The following SCN8A variants were observed in gnomAD, a reference collection of about 807,000 sequenced individuals.
SCN8A encodes the protein sodium channel protein type 8 subunit alpha.
In SCN8A, 30 loss-of-function variants were observed where a neutral mutation model predicts 184.1. That is an observed-to-expected ratio of 0.16 (90% CI 0.12 to 0.22). SCN8A has a LOEUF of 0.22. Ranked by LOEUF, SCN8A falls within the 10% of genes least tolerant of loss-of-function variation. The probability of loss-of-function intolerance (pLI) is 1.00; values close to 1 mark genes in which losing one functional copy is unlikely to be tolerated. For synonymous variants in SCN8A, 852 were observed against 907.0 expected (o/e 0.94, Z 1.09); for missense variants, 1,057 against 2,498.9 (o/e 0.42, Z 12.30).
intron 2 of SCN8A, among the ~76,000 whole-genome samples, chr12:51,672,582 G>A (rs765090997): frequency 6.6e-6 from 1 of 152,022 alleles, no homozygotes; most frequent in Non-Finnish European, 1.5e-5. Flanking sequence ...GCCTCAGTTC[G>A]AGGACTCCTG....
At position 51,766,910 on chromosome 12, in the gene SCN8A, G is replaced by T. The variant is rs969219779; in HGVS notation, c.2901+883G>T. On this transcript the variant is annotated intron_variant, in intron 16 of 26. Coordinates refer to ENST00000627620, the MANE Select transcript of SCN8A (RefSeq NM_001330260.2). ...ACAGATCAGGCCCCTAATCCCACCT[G>T]CAAGTGTAGGGCAAAGAGGACTGGA... Among the ~76,000 whole-genome samples the T allele has an allele frequency of 2.0e-5, 3 of 152,284 alleles. No individual in the cohort carries two copies. The East Asian group carries it at 5.8e-4, about 29-fold the overall frequency.
chr12:51,684,444 C>T, intron 3 of SCN8A, 152 bp downstream of exon 3: 1 of 649,248 alleles, frequency 1.5e-6, no homozygotes. Flanking sequence ...TGAACTCCTG[C>T]CACATCCCAA....
At chr12:51,605,379 G>C (rs1939566572) in intron 1 of SCN8A, among the ~76,000 whole-genome samples, 1 of 152,162 alleles carries the variant, frequency 6.6e-6, no homozygotes, top group South Asian at 2.1e-4. Context: ...ACTTCACTTA[G>C]AATAATAGTC....
At position 51,699,737 on chromosome 12, in the gene SCN8A, T is replaced by G; in HGVS notation, c.874T>G (p.Tyr292Asp). 1.2e-6 allele frequency: 2 copies of G among 1,613,946 alleles called. No homozygotes were observed. Among genetic ancestry groups the G allele is most frequent in the Non-Finnish European group, 1.7e-6 (2 of 1,179,868 alleles). The change falls in exon 7 of 27, where the codon TAT becomes GAT. Residue 292 changes from tyrosine (Y) to aspartate (D), a missense_variant. By Grantham distance (160) the Tyr-to-Asp change is radical. Transcript: ENST00000627620. ...GTGGCCCATAAACTTCAACGAGAGC[T>G]ATCTTGAAAATGGCACCAAAGGCTT... is the stretch of plus-strand genomic sequence containing the variant. ...VVWPINFNES[Y>D]LENGTKGFDW...
chr12:51,690,451 C>G (rs1387447630), intron 6 of SCN8A, among the ~76,000 whole-genome samples: 1 of 152,146 alleles, frequency 6.6e-6, no homozygotes, highest in African/African-American at 2.4e-5. Flanking sequence ...TTCCAGGGCC[C>G]AAGTGATCCT....
At chr12:51,605,757 C>T (rs1223046070) in intron 1 of SCN8A, among the ~76,000 whole-genome samples, 1 of 152,106 alleles carries the variant, frequency 6.6e-6, no homozygotes, top group Non-Finnish European at 1.5e-5. Context: ...CCAACATCTA[C>T]TGTTTTTTGA....
At chr12:51,710,176 T>G (rs906110283) in intron 11 of SCN8A, among the ~76,000 whole-genome samples, 2 of 152,166 alleles carry the variant, frequency 1.3e-5, no homozygotes, top group Non-Finnish European at 2.9e-5. Flanking sequence ...TATTTACTAA[T>G]TAAGTCCCAA....
chr12:51,705,652 TTC>T, intron 10 of SCN8A, 29 bp downstream of exon 10: 1 of 1,585,104 alleles, frequency 6.3e-7, no homozygotes, highest in Non-Finnish European at 8.6e-7. Flanking sequence ...GCAATAGACC[TTC>T]CTGCCAGATC....
intron 20 of SCN8A, among the ~76,000 whole-genome samples, chr12:51,779,219 C>A (rs77956589): frequency 2.9e-3 from 357 of 125,026 alleles, no homozygotes; most frequent in South Asian, 3.2e-3. Flanking sequence ...GACTTTGTCT[C>A]AAAAAAAAAA....
intron 1 of SCN8A, among the ~76,000 whole-genome samples, chr12:51,616,472 C>T (rs1414298855): frequency 1.3e-5 from 2 of 152,084 alleles, no homozygotes; most frequent in Admixed American, 6.6e-5. Context: ...ATTAGCCAGA[C>T]ATGGTGGTGG....
At chr12:51,609,589 A>G (rs535284519) in intron 1 of SCN8A, among the ~76,000 whole-genome samples, 1 of 152,072 alleles carries the variant, frequency 6.6e-6, no homozygotes, top group Non-Finnish European at 1.5e-5. Flanking sequence ...TTTGTCTGAT[A>G]TAAGAATAGC....
intron 26 of SCN8A, among the ~76,000 whole-genome samples, chr12:51,802,595 T>C (rs1938587500): frequency 1.3e-5 from 2 of 152,226 alleles, no homozygotes; most frequent in South Asian, 4.1e-4. Flanking sequence ...AGGGAAATCT[T>C]AGAAGACTTG....
At chr12:51,792,488 CAAAAAAAAAAAAAAA>C (rs71092723) in intron 25 of SCN8A, among the ~76,000 whole-genome samples, 3 of 51,590 alleles carry the variant, frequency 5.8e-5, no homozygotes, top group East Asian at 6.2e-4. Flanking sequence ...GACCCTATCT[CAAAAAAAAAAAAAAA>C]AAAAAAAAAA....
At chr12:51,741,301 C>T (rs1193494824) in intron 12 of SCN8A, among the ~76,000 whole-genome samples, 1 of 151,916 alleles carries the variant, frequency 6.6e-6, no homozygotes, top group African/African-American at 2.4e-5. Context: ...TTTTGGTTTC[C>T]ATTGGCATGG....
At position 51,770,575 on chromosome 12, in the gene SCN8A, G is replaced by A. The variant is rs2138871603; in HGVS notation, c.3537G>A (p.Gly1179=). ...GCTGCCAGGTCAACATCGAGGAAGG[G>A]CTAGGCAAGTCTTGGTGGATCCTGC... ...FKCCQVNIEE[G]LGKSWWILRK... The change falls in exon 19 of 27, where the codon GGG becomes GGA. Residue 1179 remains glycine (G), a synonymous_variant. Transcript: ENST00000627620. 1 of 1,613,786 alleles carries A rather than the reference G, an allele frequency of 6.2e-7. No homozygotes were observed. The highest frequency in any genetic ancestry group is 1.1e-5 in the South Asian group (1 of 90,952).
intron 26 of SCN8A, among the ~76,000 whole-genome samples, chr12:51,798,897 C>T (rs935502713): frequency 6.6e-6 from 1 of 152,262 alleles, no homozygotes; most frequent in Non-Finnish European, 1.5e-5. Flanking sequence ...CCATTTGCTA[C>T]AGCCCATGAA....
chr12:51,785,790 C>T (rs1187944829), intron 21 of SCN8A, among the ~76,000 whole-genome samples: 1 of 152,064 alleles, frequency 6.6e-6, no homozygotes, highest in Non-Finnish European at 1.5e-5. Context: ...ATCCCTATTT[C>T]TAATACACTG....
At chr12:51,719,011 G>T (rs1166533924) in intron 11 of SCN8A, among the ~76,000 whole-genome samples, 92 of 143,706 alleles carry the variant, frequency 6.4e-4, no homozygotes, top group Non-Finnish European at 1.1e-3. Context: ...AATAAATTTT[G>T]CTGATAGTTT....
At chr12:51,637,401 C>T (rs956114235) in intron 1 of SCN8A, among the ~76,000 whole-genome samples, 1 of 152,172 alleles carries the variant, frequency 6.6e-6, no homozygotes, top group Admixed American at 6.5e-5. Flanking sequence ...AAAAGCTAGG[C>T]CACTTGTGCC....
Sources: gnomAD v4.1 joint callset for allele counts (sites outside exome capture counted in the v4.1 genomes callset) on GRCh38, gnomAD v4.1.1 for gene constraint, MANE v1.5 for transcripts, NCBI Gene and HGNC (gene_info 2026-07-23, HGNC 2026-07-21) for gene names.